The following RASSF8 variants were observed in gnomAD, a reference collection of about 807,000 sequenced individuals.
RASSF8 encodes the protein Ras association domain family member 8.
RASSF8 carries 22 observed loss-of-function variants against 48.5 expected under a neutral mutation model. The ratio of observed to expected loss-of-function variants is 0.45; its 90% confidence interval spans 0.32 to 0.65. The LOEUF (loss-of-function observed/expected upper bound fraction) is 0.65, where lower values mean the gene tolerates loss of function less well. RASSF8 is among the 30% of genes least tolerant of loss of function. The probability of loss-of-function intolerance (pLI) is 0.03; values close to 1 mark genes in which losing one functional copy is unlikely to be tolerated. For missense variants in RASSF8, 418 were observed against 489.2 expected (o/e 0.85, Z 1.37); for synonymous variants, 127 against 171.5 (o/e 0.74, Z 2.03).
intron 3 of RASSF8, 21 bp from the exon 4 acceptor site, chr12:26,064,477 A>C (rs1943818535): frequency 6.6e-7 from 1 of 1,506,348 alleles, no homozygotes; most frequent in Non-Finnish European, 8.9e-7. Flanking sequence ...TTGACAAGTT[A>C]TTCTTACCTT....
intron 2 of RASSF8, among the ~76,000 whole-genome samples, chr12:26,022,575 T>G (rs2137069728): frequency 1.3e-5 from 2 of 152,246 alleles, no homozygotes; most frequent in South Asian, 4.2e-4. Context: ...GAAACCATCC[T>G]TGTAGAAGTA....
intron 1 of RASSF8, among the ~76,000 whole-genome samples, chr12:25,969,114 G>A (rs536653900): frequency 1.3e-5 from 2 of 152,310 alleles, no homozygotes; most frequent in African/African-American, 4.8e-5. Flanking sequence ...AGGTAGTGGG[G>A]GTCCCTATAC....
chr12:26,041,328 T>C (rs1943261221), intron 2 of RASSF8, among the ~76,000 whole-genome samples: 1 of 152,216 alleles, frequency 6.6e-6, no homozygotes. Context: ...GAGATTTTCA[T>C]TCTTTCTTAG....
intron 2 of RASSF8, among the ~76,000 whole-genome samples, chr12:26,049,193 G>T (rs1943438312): frequency 2.0e-5 from 3 of 152,092 alleles, no homozygotes; most frequent in African/African-American, 7.2e-5. Flanking sequence ...GTTTCCATGG[G>T]GTATTAGAAT....
intron 2 of RASSF8, among the ~76,000 whole-genome samples, chr12:25,998,426 C>T (rs868010976): frequency 2.4e-4 from 36 of 151,284 alleles, no homozygotes; most frequent in Middle Eastern, 3.4e-3. Context: ...CTTGGCTCGC[C>T]GCAACCTCCG....
intron 2 of RASSF8, among the ~76,000 whole-genome samples, chr12:26,003,237 T>A (rs939809799): frequency 6.6e-6 from 1 of 152,240 alleles, no homozygotes; most frequent in Admixed American, 6.5e-5. Flanking sequence ...CTTGATTTTG[T>A]TTAGGTGATG....
chr12:26,005,163 G>GT (rs1942358921), intron 2 of RASSF8, among the ~76,000 whole-genome samples: 4 of 128,906 alleles, frequency 3.1e-5, no homozygotes, highest in Non-Finnish European at 6.6e-5. Flanking sequence ...TTTACGGATG[G>GT]GGTGTGTGTG....
At chr12:26,047,122 A>G (rs958810549) in intron 2 of RASSF8, among the ~76,000 whole-genome samples, 5 of 152,218 alleles carry the variant, frequency 3.3e-5, no homozygotes, top group Non-Finnish European at 7.3e-5. Context: ...GAGGGTTGCA[A>G]AGTAGTCTGG....
chr12:26,060,987 G>A (rs1370507501), intron 3 of RASSF8, among the ~76,000 whole-genome samples: 2 of 152,124 alleles, frequency 1.3e-5, no homozygotes, highest in Middle Eastern at 3.2e-3. Flanking sequence ...AATATCAAAT[G>A]TCAGTTAAAA....
At chr12:26,043,893 A>G (rs2137173259) in intron 2 of RASSF8, among the ~76,000 whole-genome samples, 1 of 152,328 alleles carries the variant, frequency 6.6e-6, no homozygotes, top group Non-Finnish European at 1.5e-5. Context: ...GATAAAGATC[A>G]TAATAATAGT....
At chr12:26,010,909 A>G (rs540212893) in intron 2 of RASSF8, among the ~76,000 whole-genome samples, 2 of 152,104 alleles carry the variant, frequency 1.3e-5, no homozygotes, top group East Asian at 3.9e-4. Context: ...AGAAAAAAAA[A>G]CAGCTCCTCT....
rs1944024771 is a variant in RASSF8, at chr12:26,072,733, A to G, written c.*3915A>G. 1 of 956,890 alleles carries G rather than the reference A, an allele frequency of 1.0e-6. No homozygotes were observed. The highest frequency in any genetic ancestry group is 1.2e-6 in the Non-Finnish European group (1 of 803,988). The allele number at this position is 956,890 out of a possible 1,614,324, so 59.3% of individuals were successfully genotyped here. A position where few individuals can be genotyped will look rare whatever the true frequency, so the allele number is the denominator to read the frequency against. ...TTTGCTTATGTACAAATAAATCTGTAATATGTATTATATGTAATTATCCTT... is the reference window on the plus strand; with the variant it reads ...TTTGCTTATGTACAAATAAATCTGTGATATGTATTATATGTAATTATCCTT... On this transcript the variant is annotated 3_prime_UTR_variant, in exon 6 of 6. Transcript: ENST00000689635.
chr12:26,007,052 C>G (rs1054321741), intron 2 of RASSF8, among the ~76,000 whole-genome samples: 5 of 152,054 alleles, frequency 3.3e-5, no homozygotes, highest in African/African-American at 1.2e-4. Context: ...GCAGAGATCA[C>G]ATGGGGAGAG....
intron 1 of RASSF8, among the ~76,000 whole-genome samples, chr12:25,970,316 G>A (rs1157312049): frequency 6.6e-6 from 1 of 152,112 alleles, no homozygotes; most frequent in East Asian, 1.9e-4. Context: ...CTATGTGTCA[G>A]TTTCTCGGGA....
At chr12:26,044,759 C>T (rs1295157304) in intron 2 of RASSF8, among the ~76,000 whole-genome samples, 1 of 152,156 alleles carries the variant, frequency 6.6e-6, no homozygotes, top group African/African-American at 2.4e-5. Context: ...TATCTGTCTT[C>T]TCCAGTAGTA....
chr12:25,976,962 C>A (rs1941621839), intron 1 of RASSF8, among the ~76,000 whole-genome samples: 1 of 152,134 alleles, frequency 6.6e-6, no homozygotes, highest in Admixed American at 6.5e-5. Flanking sequence ...CACAGTTTAT[C>A]CCCTCATTGT....
At chr12:26,050,086 G>T (rs1943460257) in intron 2 of RASSF8, among the ~76,000 whole-genome samples, 1 of 152,096 alleles carries the variant, frequency 6.6e-6, no homozygotes. Context: ...CCCAGCCAAA[G>T]ACATAATTCT....
chr12:26,001,222 A>ATTTTTT, intron 2 of RASSF8, among the ~76,000 whole-genome samples: 1 of 149,340 alleles, frequency 6.7e-6, no homozygotes. Flanking sequence ...TTTTGTAGAA[A>ATTTTTT]CAAGGTCTCA....
At position 26,069,103 on chromosome 12, in the gene RASSF8, TA is replaced by T; in HGVS notation, c.*286del. On this transcript the variant is annotated 3_prime_UTR_variant, in exon 6 of 6. Transcript: ENST00000689635. ...TTGAGAGCTTTAGGAAAGTATTATA[TA>T]GTGTGTATACATAAATAAGCCGTGA... The T allele has an allele frequency of 3.8e-6, 4 of 1,046,482 alleles. No individual in the cohort carries two copies. The highest frequency in any genetic ancestry group is 8.1e-5 in the East Asian group (1 of 12,414). The allele number at this position is 1,046,482 out of a possible 1,614,324, so 64.8% of individuals were successfully genotyped here. A position where few individuals can be genotyped will look rare whatever the true frequency, so the allele number is the denominator to read the frequency against.
Sources: gnomAD v4.1 joint callset for allele counts (sites outside exome capture counted in the v4.1 genomes callset) on GRCh38, gnomAD v4.1.1 for gene constraint, MANE v1.5 for transcripts, NCBI Gene and HGNC (gene_info 2026-07-23, HGNC 2026-07-21) for gene names.